The following WDFY3 variants were observed in gnomAD, a reference collection of about 807,000 sequenced individuals.
WDFY3 encodes WD repeat and FYVE domain-containing protein 3.
In WDFY3, 66 loss-of-function variants were observed where a neutral mutation model predicts 409.6. That is an observed-to-expected ratio of 0.16 (90% confidence interval 0.13 to 0.20). WDFY3 has a LOEUF of 0.20. WDFY3 is among the 10% of genes least tolerant of loss of function. WDFY3 has a pLI of 1.00. For missense variants in WDFY3, 3,031 were observed against 4,298.1 expected (o/e 0.71, Z 8.24); for synonymous variants, 1,521 against 1,537.1 (o/e 0.99, Z 0.25).
chr4:84,785,366 C>T (rs1747367468), intron 24 of WDFY3, among the ~76,000 whole-genome samples: 1 of 152,110 alleles, frequency 6.6e-6, no homozygotes, highest in African/African-American at 2.4e-5. Flanking sequence ...ATCCCATGCT[C>T]CCTATTCCTG....
chr4:84,831,334 A>G, intron 8 of WDFY3, 79 bp downstream of exon 8: 1 of 1,085,376 alleles, frequency 9.2e-7, no homozygotes, highest in South Asian at 3.1e-5. Flanking sequence ...AGAATACTGA[A>G]AGATAAAAAT....
intron 3 of WDFY3, among the ~76,000 whole-genome samples, chr4:84,878,904 T>C (rs137859350): frequency 1.3e-5 from 2 of 152,318 alleles, no homozygotes; most frequent in African/African-American, 2.4e-5. Flanking sequence ...CCACCTGTAA[T>C]AGCATTGCTG....
intron 1 of WDFY3, among the ~76,000 whole-genome samples, chr4:84,960,909 C>T (rs751319433): frequency 6.6e-5 from 10 of 152,132 alleles, no homozygotes; most frequent in Non-Finnish European, 1.3e-4. Context: ...AATCCTTTGT[C>T]CACACTAAAA....
At chr4:84,871,791 C>T (rs1341073520) in intron 3 of WDFY3, among the ~76,000 whole-genome samples, 2 of 152,034 alleles carry the variant, frequency 1.3e-5, no homozygotes, top group Non-Finnish European at 2.9e-5. Flanking sequence ...CATACCACCA[C>T]GGCCAGTTAA....
At chr4:84,842,134 T>C (rs1336285892) in intron 5 of WDFY3, among the ~76,000 whole-genome samples, 1 of 152,186 alleles carries the variant, frequency 6.6e-6, no homozygotes, top group African/African-American at 2.4e-5. Flanking sequence ...TCAGCATGGC[T>C]TGCCAATTTT....
Position 84,670,590 on chromosome 4 carries a change from T to C in WDFY3, c.*2278A>G, listed in dbSNP as rs182282218. On this transcript the variant is annotated 3_prime_UTR_variant, in exon 68 of 68. Coordinates refer to ENST00000295888, the MANE Select transcript of WDFY3 (RefSeq NM_014991.6). ...GAAGTTGTGTCGGAAAGTTTAAAAGTGTTCATCCCATATAGTTTCCTATTA... is the reference window on the plus strand; with the variant it reads ...GAAGTTGTGTCGGAAAGTTTAAAAGCGTTCATCCCATATAGTTTCCTATTA... 6.5e-6 allele frequency: 1 copy of C among 152,800 alleles called. No individual in the cohort carries two copies. Among genetic ancestry groups the C allele is most frequent in the Non-Finnish European group, 1.5e-5 (1 of 68,044 alleles). 9.5% of individuals were successfully genotyped at this position (152,800 alleles called of 1,614,324 possible).
intron 1 of WDFY3, among the ~76,000 whole-genome samples, chr4:84,963,041 A>C (rs999812735): frequency 6.6e-6 from 1 of 151,978 alleles, no homozygotes; most frequent in African/African-American, 2.4e-5. Flanking sequence ...AACTGGATTT[A>C]TCAGTGTAAA....
chr4:84,682,680 A>G, intron 63 of WDFY3: 1 of 530,434 alleles, frequency 1.9e-6, no homozygotes, highest in Non-Finnish European at 3.4e-6. Flanking sequence ...GATTATAGTC[A>G]TATTAGTTTA....
intron 37 of WDFY3, among the ~76,000 whole-genome samples, chr4:84,743,209 G>C (rs1438584451): frequency 6.6e-6 from 1 of 151,918 alleles, no homozygotes; most frequent in Non-Finnish European, 1.5e-5. Flanking sequence ...ACAAATGTTG[G>C]CTTCACTGTA....
At chr4:84,674,102 C>T (rs1725862765) in intron 67 of WDFY3, among the ~76,000 whole-genome samples, 1 of 152,186 alleles carries the variant, frequency 6.6e-6, no homozygotes, top group Non-Finnish European at 1.5e-5. Flanking sequence ...TCCTTCTGTG[C>T]CTGCTTCATC....
intron 1 of WDFY3, among the ~76,000 whole-genome samples, chr4:84,957,308 T>C (rs1353021480): frequency 6.6e-6 from 1 of 151,480 alleles, no homozygotes; most frequent in Non-Finnish European, 1.5e-5. Flanking sequence ...ATGAGACTTC[T>C]CACAATGGAC....
chr4:84,674,317 C>G (rs1175603394), intron 67 of WDFY3, among the ~76,000 whole-genome samples: 1 of 152,168 alleles, frequency 6.6e-6, no homozygotes, highest in Non-Finnish European at 1.5e-5. Flanking sequence ...AAACTGTAAT[C>G]CCAGCACTTT....
chr4:84,848,301 C>T (rs960437031), intron 5 of WDFY3, among the ~76,000 whole-genome samples: 2 of 151,288 alleles, frequency 1.3e-5, no homozygotes, highest in South Asian at 2.1e-4. Context: ...CAAGAATCTA[C>T]GTAGCTTTCG....
chr4:84,696,894 G>T, intron 56 of WDFY3, 71 bp from the exon 57 acceptor site: 1 of 1,361,092 alleles, frequency 7.3e-7, no homozygotes, highest in Non-Finnish European at 1.0e-6. Flanking sequence ...ATATTAATCT[G>T]ACTGAGAAAT....
intron 1 of WDFY3, among the ~76,000 whole-genome samples, chr4:84,936,966 A>G (rs1771496894): frequency 1.3e-5 from 2 of 152,108 alleles, no homozygotes; most frequent in African/African-American, 4.8e-5. Context: ...CCTCCTTCCA[A>G]TAAAGCAAAA....
intron 7 of WDFY3, among the ~76,000 whole-genome samples, chr4:84,833,726 CAGAAG>C (rs919433328): frequency 1.1e-4 from 15 of 134,026 alleles, no homozygotes; most frequent in African/African-American, 3.3e-4. Context: ...CAGAAGAGAA[CAGAAG>C]AGAACAGAAG....
rs187219226 is a variant in WDFY3 at position 84,927,181 on chromosome 4, C to T, written c.-132+5089G>A. On this transcript the variant is annotated intron_variant, in intron 2 of 67. Coordinates refer to ENST00000295888, the MANE Select transcript of WDFY3 (RefSeq NM_014991.6). The stretch of plus-strand genomic sequence containing the variant: ...TAAAAATAAACCACTTGTAAAATCA[C>T]GTAAAAATCATGTCATCATATGCTT... Among the ~76,000 whole-genome samples, 84 of 152,210 alleles carry T rather than the reference C, an allele frequency of 5.5e-4. 1 individual carries two copies. The highest frequency in any genetic ancestry group is 2.1e-3 in the Admixed American group (32 of 15,288).
chr4:84,792,872 A>G (rs1489027294), intron 21 of WDFY3, among the ~76,000 whole-genome samples: 2 of 152,308 alleles, frequency 1.3e-5, no homozygotes, highest in South Asian at 2.1e-4. Context: ...AGTTTACATA[A>G]TATCTGCATG....
At chr4:84,862,670 T>C (rs1036497645) in intron 3 of WDFY3, among the ~76,000 whole-genome samples, 37 of 152,148 alleles carry the variant, frequency 2.4e-4, no homozygotes. Flanking sequence ...AGGGGATTCA[T>C]GATACTCCAA....
Sources: allele counts gnomAD v4.1 joint callset (sites outside exome capture counted in the v4.1 genomes callset), GRCh38; gene constraint gnomAD v4.1.1; transcripts MANE v1.5; gene names NCBI Gene and HGNC (gene_info 2026-07-23, HGNC 2026-07-21).